The following MAP3K3 variants were observed in gnomAD, a reference collection of about 807,000 sequenced individuals.
The protein encoded by MAP3K3 is mitogen-activated protein kinase kinase kinase 3, also known as MAP/ERK kinase kinase 3.
In MAP3K3, 12 loss-of-function variants were observed where a neutral mutation model predicts 80.9. That is an observed-to-expected ratio of 0.15 (90% CI 0.10 to 0.24). The LOEUF (loss-of-function observed/expected upper bound fraction) is 0.24, where lower values mean the gene tolerates loss of function less well. MAP3K3 is among the 10% of genes least tolerant of loss of function. MAP3K3 has a pLI of 1.00. For missense variants in MAP3K3, 596 were observed against 834.7 expected, an observed-to-expected ratio of 0.71 and a Z score of 3.52; for synonymous variants, 272 against 307.1, an observed-to-expected ratio of 0.89 and a Z score of 1.19.
At chr17:63,628,477 C>G (rs143969567) in intron 1 of MAP3K3, among the ~76,000 whole-genome samples, 9 of 151,892 alleles carry the variant, frequency 5.9e-5, no homozygotes, top group Non-Finnish European at 1.0e-4. Flanking sequence ...TCTCCTGCCT[C>G]AGCCTCCCGT....
At chr17:63,671,509 C>T (rs1351692213) in intron 6 of MAP3K3, among the ~76,000 whole-genome samples, 1 of 152,100 alleles carries the variant, frequency 6.6e-6, no homozygotes, top group Admixed American at 6.5e-5. Context: ...CTGCCTCAGC[C>T]TCCCAAAGTG....
chr17:63,679,728 T>C (rs567398333), intron 6 of MAP3K3, among the ~76,000 whole-genome samples: 1 of 152,274 alleles, frequency 6.6e-6, no homozygotes, highest in South Asian at 2.1e-4. Flanking sequence ...TTCTCCTGCC[T>C]CTCGAAGTGT....
intron 4 of MAP3K3, among the ~76,000 whole-genome samples, chr17:63,655,999 G>A (rs1285473761): frequency 6.6e-6 from 1 of 152,102 alleles, no homozygotes; most frequent in Non-Finnish European, 1.5e-5. Context: ...GGAGGCTGAG[G>A]CAGGCAGATC....
chr17:63,668,825 G>A (rs1449457850), intron 6 of MAP3K3, among the ~76,000 whole-genome samples: 5 of 152,198 alleles, frequency 3.3e-5, no homozygotes, highest in African/African-American at 4.8e-5. Context: ...ATTCAGCAAA[G>A]CATTAAGTAC....
intron 6 of MAP3K3, among the ~76,000 whole-genome samples, chr17:63,679,686 C>CA (rs2035291427): frequency 6.6e-6 from 1 of 152,210 alleles, no homozygotes; most frequent in South Asian, 2.1e-4. Flanking sequence ...CCATGTTGCC[C>CA]ATGCTGGTCT....
intron 1 of MAP3K3, among the ~76,000 whole-genome samples, chr17:63,628,469 T>A (rs2034149431): frequency 6.7e-6 from 1 of 150,258 alleles, no homozygotes; most frequent in African/African-American, 2.5e-5. Flanking sequence ...GAAGCAGTTC[T>A]CCTGCCTCAG....
At chr17:63,672,902 G>A (rs934382835) in intron 6 of MAP3K3, 5 of 152,238 alleles carry the variant, frequency 3.3e-5, no homozygotes, top group African/African-American at 1.2e-4. Context: ...GGGAAACAGA[G>A]ACAGAAGTCA....
At position 63,675,342 on chromosome 17, in the gene MAP3K3, A is replaced by G. The variant is rs189849650; in HGVS notation, c.503-6424A>G. 3.4e-3 allele frequency among the ~76,000 whole-genome samples: 522 copies of G among 152,292 alleles called. 7 individuals are homozygous for G. The highest frequency in any genetic ancestry group is 4.4e-3 in the Non-Finnish European group (301 of 68,034). On this transcript the variant is annotated intron_variant, in intron 6 of 15. Transcript: ENST00000361733. Reference sequence around the variant, plus strand: ...GAGTTTAGGAAATAGTTAGTGGCCAAAAAAGCTATCTCTTTATACTTGCAG... The same window carrying G: ...GAGTTTAGGAAATAGTTAGTGGCCAGAAAAGCTATCTCTTTATACTTGCAG...
intron 12 of MAP3K3, 69 bp downstream of exon 12, chr17:63,690,481 G>T (rs2035562761): frequency 6.5e-7 from 1 of 1,531,582 alleles, no homozygotes; most frequent in Admixed American, 1.8e-5. Flanking sequence ...ACCACACAGA[G>T]TAGTTGCCTG....
At chr17:63,690,172 G>T in intron 11 of MAP3K3, 92 bp from the exon 12 acceptor site, 1 of 1,429,100 alleles carries the variant, frequency 7.0e-7, no homozygotes, top group Admixed American at 1.9e-5. Context: ...GGGTGAGGGG[G>T]AGCCTGAGCC....
In MAP3K3 at chr17:63,690,104, G is replaced by A. The variant is rs2035552883; in HGVS notation, c.1064-160G>A. The A allele has an allele frequency of 6.4e-6, 5 of 780,302 alleles. No individual in the cohort carries two copies. In the South Asian group the frequency reaches 8.7e-5, roughly 14 times the overall value. 48.3% of individuals were successfully genotyped at this position (780,302 alleles called of 1,614,324 possible). A position where few individuals can be genotyped will look rare whatever the true frequency, so the allele number is the denominator to read the frequency against. ...TCTGACTTCAGGTCCGAGTGACTAG[G>A]GCACTGGGCTTGCTCCAGATTGTGG... On this transcript the variant is annotated intron_variant, in intron 11 of 15. Transcript: ENST00000361733.
chr17:63,677,587 G>T (rs952943361), intron 6 of MAP3K3, among the ~76,000 whole-genome samples: 1 of 152,218 alleles, frequency 6.6e-6, no homozygotes, highest in Non-Finnish European at 1.5e-5. Flanking sequence ...CCTTGGTCCA[G>T]ATTTCCCCTA....
intron 8 of MAP3K3, among the ~76,000 whole-genome samples, chr17:63,686,740 A>G (rs931983174): frequency 1.3e-4 from 20 of 152,108 alleles, no homozygotes; most frequent in African/African-American, 4.3e-4. Flanking sequence ...CCGCCTCTCT[A>G]TTCTTGGGTT....
intron 6 of MAP3K3, among the ~76,000 whole-genome samples, chr17:63,672,120 G>GTCACCCAGGCTGGAGTGCAGTGGTGCC (rs2035122173): frequency 6.6e-6 from 1 of 151,868 alleles, no homozygotes; most frequent in African/African-American, 2.4e-5. Flanking sequence ...CCGTCTCTAT[G>GTCACCCAGGCTGGAGTGCAGTGGTGCC]AAAAATACAA....
intron 2 of MAP3K3, among the ~76,000 whole-genome samples, chr17:63,635,517 C>A (rs2034305043): frequency 6.6e-6 from 1 of 152,066 alleles, no homozygotes; most frequent in Non-Finnish European, 1.5e-5. Context: ...TGCTTCTGAC[C>A]AAGAGGGATA....
chr17:63,689,665 C>A lies in MAP3K3; in HGVS notation c.993C>A (p.Pro331=), dbSNP rs758240670. Residue 331 remains proline (P), a synonymous_variant, in exon 11 of 16, where the codon CCC becomes CCA. Transcript: ENST00000361733. This position sits in a 1 kb window ranked among gnomAD's most constrained non-coding sequence, Gnocchi z 4.3. ...GTCTGGCTGTGCAATACCTGGACCC[C>A]CGTGGGCGCCTGCGGAGTGCGGACA... The part of the protein sequence containing the change: ...NMGLAVQYLD[P]RGRLRSADSE... The A allele has an allele frequency of 2.5e-6, 4 of 1,613,908 alleles. No individual in the cohort carries two copies. The South Asian group carries it at 4.4e-5, about 18-fold the overall frequency.
chr17:63,630,102 G>C (rs1208741595), intron 1 of MAP3K3, among the ~76,000 whole-genome samples: 1 of 152,132 alleles, frequency 6.6e-6, no homozygotes, highest in African/African-American at 2.4e-5. Flanking sequence ...GCTTTTAGGA[G>C]TATTGTTGGA....
At chr17:63,624,744 G>A (rs975009192) in intron 1 of MAP3K3, among the ~76,000 whole-genome samples, 1 of 152,208 alleles carries the variant, frequency 6.6e-6, no homozygotes. Flanking sequence ...AAGAACCACT[G>A]CCCTAGCTTT....
At chr17:63,643,206 T>C (rs2034479270) in intron 2 of MAP3K3, among the ~76,000 whole-genome samples, 1 of 152,080 alleles carries the variant, frequency 6.6e-6, no homozygotes, top group Non-Finnish European at 1.5e-5. Context: ...TGTAAGATAT[T>C]AATAATAGGG....
Sources: gnomAD v4.1 joint callset for allele counts (sites outside exome capture counted in the v4.1 genomes callset) on GRCh38, gnomAD v4.1.1 for gene constraint, Gnocchi (gnomAD v3.1) non-coding constraint, MANE v1.5 for transcripts, NCBI Gene and HGNC (gene_info 2026-07-23, HGNC 2026-07-21) for gene names.